Variants in SLC13A4 observed in about 807,000 individuals in gnomAD.
SLC13A4 encodes the protein Na(+)/sulfate cotransporter SUT-1.
SLC13A4 carries 28 observed loss-of-function variants against 72.7 expected under a neutral mutation model. That is an observed-to-expected ratio of 0.39 (90% confidence interval 0.29 to 0.53). The LOEUF (loss-of-function observed/expected upper bound fraction) is 0.53. SLC13A4 is among the 20% of genes least tolerant of loss of function. The probability of loss-of-function intolerance (pLI) is 0.78; values close to 1 mark genes in which losing one functional copy is unlikely to be tolerated. For missense variants in SLC13A4, 653 were observed against 788.0 expected (o/e 0.83, Z 2.05); for synonymous variants, 312 against 325.5 (o/e 0.96, Z 0.45).
chr7:135,718,902 A>C (rs1034546546), intron 2 of SLC13A4, among the ~76,000 whole-genome samples: 2 of 152,226 alleles, frequency 1.3e-5, no homozygotes, highest in Non-Finnish European at 2.9e-5. Context: ...CTGGCTTACA[A>C]AGGGCTATAA....
Position 135,721,422 on chromosome 7 carries a change from C to A in SLC13A4, c.201G>T (p.Pro67=), listed in dbSNP as rs768608458. ...AAALVPAFLY[P]FFGVLRSNEV... ...CATTGGACCGGAGGACTCCGAAGAA[C>A]GGGTAAAGGAAGGCCGGCACCAGGG... The change falls in exon 2 of 16, where the codon CCG becomes CCT. Residue 67 remains proline, a synonymous_variant. Coordinates refer to ENST00000682651, the MANE Select transcript of SLC13A4 (RefSeq NM_001318192.2). 4 of 1,613,928 alleles carry A rather than the reference C, an allele frequency of 2.5e-6. No homozygotes were observed. The highest frequency in any genetic ancestry group is 3.4e-6 in the Non-Finnish European group (4 of 1,179,972).
intron 1 of SLC13A4, among the ~76,000 whole-genome samples, chr7:135,725,573 T>C (rs73160754): frequency 0.078 from 11,812 of 152,190 alleles, 559 homozygotes; most frequent in African/African-American, 0.13. Flanking sequence ...CCATCAAAAC[T>C]GCAGGCCAGG....
At chr7:135,718,146 C>T (rs1423734532) in intron 2 of SLC13A4, among the ~76,000 whole-genome samples, 2 of 151,098 alleles carry the variant, frequency 1.3e-5, no homozygotes, top group African/African-American at 4.9e-5. Flanking sequence ...TCTGGAGAAA[C>T]TGCAGAACAT....
chr7:135,720,554 TA>T (rs33993859), intron 2 of SLC13A4, among the ~76,000 whole-genome samples: 37,679 of 123,756 alleles, frequency 0.3, 6,010 homozygotes, highest in Middle Eastern at 0.41. Flanking sequence ...GCTTTTTCAT[TA>T]AAAAAAAAAA....
chr7:135,685,513 A>G lies in SLC13A4; in HGVS notation c.1608+9T>C. The stretch of plus-strand genomic sequence containing the variant: ...CTGTCTGGATGTCTGGGAGCTCCGC[A>G]TTACTCACCAGGCTGCACAGGATGG... On this transcript the variant is annotated intron_variant, in intron 14 of 15. Coordinates refer to ENST00000682651, the MANE Select transcript of SLC13A4 (RefSeq NM_001318192.2). The G allele has an allele frequency of 6.2e-7, 1 of 1,613,434 alleles. No individual in the cohort carries two copies. The highest frequency in any genetic ancestry group is 8.5e-7 in the Non-Finnish European group (1 of 1,179,538).
chr7:135,686,603 C>T (rs1795631171), intron 13 of SLC13A4, among the ~76,000 whole-genome samples: 1 of 152,180 alleles, frequency 6.6e-6, no homozygotes, highest in African/African-American at 2.4e-5. Context: ...CAGACCTGGG[C>T]TTAAGCGATT....
chr7:135,699,409 A>G lies in SLC13A4; in HGVS notation c.854T>C (p.Ile285Thr). 6 of 1,613,354 alleles carry G rather than the reference A, an allele frequency of 3.7e-6. No individual in the cohort carries two copies. The highest frequency in any genetic ancestry group is 5.1e-6 in the Non-Finnish European group (6 of 1,179,668). The change falls in exon 8 of 16, where the codon ATC (isoleucine) becomes ACC (threonine). Residue 285 changes from isoleucine to threonine, a missense_variant. Physicochemically the swap from Ile to Thr is moderately conservative, Grantham distance 89. Coordinates refer to ENST00000682651, the MANE Select transcript of SLC13A4 (RefSeq NM_001318192.2). ...YSATIGGLTT[I>T]IGTSTSLIFL... ...GATGAGGCTGGTGGAGGTGCCGATG[A>G]TGGTGGTCAGGCCGCCAATGGTAGC...
Position 135,714,633 on chromosome 7 carries a change from C to T in SLC13A4, c.229-6383G>A, listed in dbSNP as rs111446020. Among the ~76,000 whole-genome samples the T allele has an allele frequency of 2.6e-3, 403 of 152,308 alleles. 3 individuals are homozygous for T. Among genetic ancestry groups the T allele is most frequent in the African/African-American group, 9.1e-3 (380 of 41,558 alleles). ...GCCCACGGGCCCGCATGCAGAGGACCGGTCAGCCTCCATGGCGAGGAGAGA... is the reference window on the plus strand; with the variant it reads ...GCCCACGGGCCCGCATGCAGAGGACTGGTCAGCCTCCATGGCGAGGAGAGA... On this transcript the variant is annotated intron_variant, in intron 2 of 15. Transcript: ENST00000682651.
rs371443313 is a variant in SLC13A4, at chr7:135,691,296, C to T, written c.1351G>A (p.Glu451Lys). 1.7e-5 allele frequency: 27 copies of T among 1,613,556 alleles called. No homozygotes were observed. The highest frequency in any genetic ancestry group is 1.6e-4 in the South Asian group (15 of 90,956). ...AAGTCCTTCCACGTGATGATGGGCT[C>T]GGTCCCCAGTGAGTGCTCCTGGTTC... is the stretch of plus-strand genomic sequence containing the variant. ...GENQEHSLGT[E>K]PIITWKDFQK... is the part of the protein sequence containing the mutation. Residue 451 changes from glutamate (E) to lysine (K), a missense_variant, in exon 13 of 16, where the codon GAG becomes AAG. Physicochemically the swap from Glu to Lys is moderately conservative, Grantham distance 56. Transcript: ENST00000682651.
In SLC13A4 at chr7:135,705,549, C is replaced by G. The variant is rs765911414; in HGVS notation, c.593+47G>C. 16 of 1,584,670 alleles carry G rather than the reference C, an allele frequency of 1.0e-5. No individual in the cohort carries two copies. The South Asian group carries it at 1.5e-4, about 15-fold the overall frequency. ...TAGGTCCCCTCTTTTCTGACCTCCC[C>G]TATGGACTCTGAGAGGCGCTGTCTG... On this transcript the variant is annotated intron_variant, in intron 5 of 15. Coordinates refer to ENST00000682651, the MANE Select transcript of SLC13A4 (RefSeq NM_001318192.2).
rs1384667643 is a variant in SLC13A4, at chr7:135,709,428, A to ATT, written c.229-1179_229-1178insAA. On this transcript the variant is annotated intron_variant, in intron 2 of 15. Transcript: ENST00000682651. ...TTTCCTTTCTTTCTTTTTTTTTTAAAAAAAAATTTGAGACAGGGTCTCACT... is the reference window on the plus strand; with the variant it reads ...TTTCCTTTCTTTCTTTTTTTTTTAAATTAAAAAATTTGAGACAGGGTCTCACT... Among the ~76,000 whole-genome samples, 3 of 25,996 alleles carry ATT rather than the reference A, an allele frequency of 1.2e-4. No individual in the cohort carries two copies. The East Asian group carries it at 0.025, about 213-fold the overall frequency. The allele number at this position is 25,996 out of a possible 152,430, so 17.1% of individuals were successfully genotyped here.
At chr7:135,692,221 G>A (rs1044269849) in intron 11 of SLC13A4, 102 bp downstream of exon 11, 3 of 854,742 alleles carry the variant, frequency 3.5e-6, no homozygotes, top group Admixed American at 2.2e-5. Context: ...CCTGGGGAAT[G>A]AAATCTTCCT....
At chr7:135,725,637 A>G (rs182423632) in intron 1 of SLC13A4, among the ~76,000 whole-genome samples, 163 of 152,230 alleles carry the variant, frequency 1.1e-3, no homozygotes, top group African/African-American at 3.6e-3. Context: ...AGAGCAAGAA[A>G]ATCCATTTGG....
At chr7:135,709,928 T>G (rs573152204) in intron 2 of SLC13A4, among the ~76,000 whole-genome samples, 45 of 152,348 alleles carry the variant, frequency 3.0e-4, no homozygotes, top group African/African-American at 1.1e-3. Flanking sequence ...CTCTTGTCTC[T>G]CAACTAAATT....
chr7:135,688,640 G>C (rs1320626508), intron 13 of SLC13A4, among the ~76,000 whole-genome samples: 1 of 152,112 alleles, frequency 6.6e-6, no homozygotes, highest in African/African-American at 2.4e-5. Context: ...AGACTTCAAA[G>C]TTAGACAAAA....
chr7:135,703,021 A>C lies in SLC13A4; in HGVS notation c.594-137T>G, dbSNP rs1434105659. The C allele has an allele frequency of 1.7e-5, 11 of 651,738 alleles. No homozygotes were observed. In the Admixed American group the frequency reaches 2.9e-4, roughly 17 times the overall value. The allele number at this position is 651,738 out of a possible 1,614,324, so 40.4% of individuals were successfully genotyped here. On this transcript the variant is annotated intron_variant, in intron 5 of 15. Coordinates refer to ENST00000682651, the MANE Select transcript of SLC13A4 (RefSeq NM_001318192.2). ...GTTTTCTAGTCTCCAGAGAAGACTAATCTCTCCCTTGTCTTCCTTGCCTTC... is the reference window on the plus strand; with the variant it reads ...GTTTTCTAGTCTCCAGAGAAGACTACTCTCTCCCTTGTCTTCCTTGCCTTC...
At chr7:135,681,734 C>T in intron 15 of SLC13A4, 34 bp from the exon 16 acceptor site, 1 of 1,603,070 alleles carries the variant, frequency 6.2e-7, no homozygotes, top group South Asian at 1.1e-5. Flanking sequence ...CCTAGTCACT[C>T]TGACCAGCAG....
Position 135,692,384 on chromosome 7 carries a change from T to A in SLC13A4, c.1162A>T (p.Thr388Ser), listed in dbSNP as rs1203951575. The A allele has an allele frequency of 6.2e-7, 1 of 1,613,706 alleles. No individual in the cohort carries two copies. Among genetic ancestry groups the A allele is most frequent in the Non-Finnish European group, 8.5e-7 (1 of 1,179,894 alleles). Residue 388 changes from threonine (T) to serine (S), a missense_variant, in exon 11 of 16, where the codon ACC becomes TCC. Physicochemically the swap from Thr to Ser is moderately conservative, Grantham distance 58. Transcript: ENST00000682651. ...MVTGFFFILMTVLWFTREPGF... is the reference protein window; with the variant it reads ...MVTGFFFILMSVLWFTREPGF... ...GGCTCCCGGGTAAACCACAGTACGG[T>A]CATCAGGATGAAGAAAAATCCAGTC...
chr7:135,706,308 G>T lies in SLC13A4; in HGVS notation c.366-8C>A. On this transcript the variant is annotated splice_polypyrimidine_tract_variant and splice_region_variant and intron_variant, in intron 3 of 15. Transcript: ENST00000682651. Reference sequence around the variant, plus strand: ...ATGAAGCAGAGCAGCAGCCTGGAAGGCAGGGAGGGTTGGGGCAGAGCGTCC... The same window carrying T: ...ATGAAGCAGAGCAGCAGCCTGGAAGTCAGGGAGGGTTGGGGCAGAGCGTCC... 1 of 1,597,760 alleles carries T rather than the reference G, an allele frequency of 6.3e-7. No homozygotes were observed.
Sources: gnomAD v4.1 joint callset for allele counts (sites outside exome capture counted in the v4.1 genomes callset) on GRCh38, gnomAD v4.1.1 for gene constraint, MANE v1.5 for transcripts, NCBI Gene and HGNC (gene_info 2026-07-23, HGNC 2026-07-21) for gene names.